POU3F3: variants seen among roughly 807,000 people sequenced by gnomAD.
POU3F3 encodes POU domain, class 3, transcription factor 3.
POU3F3 carries 1 observed loss-of-function variant against 8.6 expected under a neutral mutation model. The observed-to-expected ratio is 0.12, with a 90% confidence interval of 0.04 to 0.55. The LOEUF is 0.55. POU3F3 is among the 20% of genes least tolerant of loss of function. POU3F3 has a pLI of 0.91. For missense variants in POU3F3, 577 were observed against 690.7 expected (o/e 0.84, Z 1.84); for synonymous variants, 418 against 327.4 (o/e 1.28, Z -2.99).
chr2:104,891,164 T>C, the POU3F3 span, among the ~76,000 whole-genome samples: 1 of 152,186 alleles, frequency 6.6e-6, no homozygotes, highest in Non-Finnish European at 1.5e-5. Context: ...TCATATTCAG[T>C]AAATATTAGC....
chr2:104,876,234 G>GA, the POU3F3 span, among the ~76,000 whole-genome samples: 6 of 152,030 alleles, frequency 3.9e-5, no homozygotes, highest in East Asian at 1.9e-4. Context: ...GTAGAAGACA[G>GA]AAAAAAAATG....
Position 104,856,042 on chromosome 2 carries a change from C to A in POU3F3, c.532C>A (p.Pro178Thr). Residue 178 changes from proline to threonine, a missense_variant, in exon 1 of 1, where the codon CCC (proline) becomes ACC (threonine). This residue lies in a region of POU3F3 where 484 missense variants were observed against 422.6 expected (regional missense o/e 1.15). Transcript: ENST00000361360. ...GCCGCACCTCGGACCCCCGCCGCCG[C>A]CCCCACACCAGGGCCACCCTGGGGG... Reference protein sequence around the residue: ...GPPHLGPPPPPPHQGHPGGWG... With the variant: ...GPPHLGPPPPTPHQGHPGGWG... The A allele has an allele frequency of 1.0e-6, 1 of 990,264 alleles. No individual in the cohort carries two copies. Among genetic ancestry groups the A allele is most frequent in the Non-Finnish European group, 1.2e-6 (1 of 836,202 alleles). 61.3% of individuals were successfully genotyped at this position (990,264 alleles called of 1,614,324 possible). A position where few individuals can be genotyped will look rare whatever the true frequency, so the allele number is the denominator to read the frequency against.
chr2:104,868,237 G>C, the POU3F3 span: 3 of 456,374 alleles, frequency 6.6e-6, no homozygotes, highest in Admixed American at 2.3e-5. Context: ...GGCACCTCGC[G>C]GTCTCAGGAG....
At chr2:104,913,983 A>G in the POU3F3 span, among the ~76,000 whole-genome samples, 1 of 152,258 alleles carries the variant, frequency 6.6e-6, no homozygotes, top group Non-Finnish European at 1.5e-5. Context: ...TGGAAGATAC[A>G]GAAAAGGCAG....
At chr2:104,860,123 G>C (rs536237361), downstream of POU3F3, among the ~76,000 whole-genome samples, 1 of 152,298 alleles carries the variant, frequency 6.6e-6, no homozygotes. Flanking sequence ...CAACAAAAGA[G>C]CTAACATTAG....
At chr2:104,891,715 A>T in the POU3F3 span, among the ~76,000 whole-genome samples, 10 of 152,238 alleles carry the variant, frequency 6.6e-5, no homozygotes, top group African/African-American at 2.4e-4. Flanking sequence ...TTCTGTTCAT[A>T]GTAATTCAGT....
At chr2:104,885,228 G>A in the POU3F3 span, among the ~76,000 whole-genome samples, 1 of 152,198 alleles carries the variant, frequency 6.6e-6, no homozygotes, top group Non-Finnish European at 1.5e-5. Flanking sequence ...GAACACCACA[G>A]TTTATATGAC....
chr2:104,922,590 T>C, the POU3F3 span, among the ~76,000 whole-genome samples: 26 of 152,066 alleles, frequency 1.7e-4, no homozygotes, highest in Admixed American at 8.5e-4. Context: ...TAACTTGAAG[T>C]TAAGACGAAT....
chr2:104,881,114 A>ACTTTCTTTCTTTC, the POU3F3 span, among the ~76,000 whole-genome samples: 28 of 101,032 alleles, frequency 2.8e-4, no homozygotes, highest in South Asian at 7.7e-3. Flanking sequence ...TTCTTTCTTT[A>ACTTTCTTTCTTTC]TTTCTTACTT....
Position 104,856,793 on chromosome 2 carries a change from G to C in POU3F3, c.1283G>C (p.Cys428Ser). Residue 428 changes from cysteine to serine, a missense_variant, in exon 1 of 1, where the codon TGC becomes TCC. Coordinates refer to ENST00000361360, the MANE Select transcript of POU3F3 (RefSeq NM_006236.3). ...KGALESHFLK[C>S]PKPSAQEITN... Reference sequence around the variant, plus strand: ...GCGCTGGAGAGCCACTTCCTCAAGTGCCCCAAGCCCTCCGCGCAGGAGATC... The same window carrying C: ...GCGCTGGAGAGCCACTTCCTCAAGTCCCCCAAGCCCTCCGCGCAGGAGATC... The C allele has an allele frequency of 6.2e-7, 1 of 1,614,112 alleles. No individual in the cohort carries two copies. The highest frequency in any genetic ancestry group is 1.7e-5 in the Admixed American group (1 of 60,026).
the POU3F3 span, among the ~76,000 whole-genome samples, chr2:104,897,788 G>A: frequency 3.9e-5 from 6 of 152,166 alleles, no homozygotes; most frequent in Non-Finnish European, 7.3e-5. Context: ...TTTCAACCAA[G>A]GTTTAGATAT....
the POU3F3 span, among the ~76,000 whole-genome samples, chr2:104,901,588 C>G: frequency 6.6e-6 from 1 of 152,202 alleles, no homozygotes; most frequent in Non-Finnish European, 1.5e-5. Flanking sequence ...CATCACTGCC[C>G]TTGATGGATT....
chr2:104,927,497 C>G, the POU3F3 span, among the ~76,000 whole-genome samples: 2 of 152,008 alleles, frequency 1.3e-5, no homozygotes, highest in African/African-American at 4.8e-5. Context: ...GCTCATGCCT[C>G]TAATCCCAGC....
chr2:104,919,413 T>C, the POU3F3 span, among the ~76,000 whole-genome samples: 1 of 152,196 alleles, frequency 6.6e-6, no homozygotes, highest in East Asian at 1.9e-4. Context: ...AGCCCATTCC[T>C]GCCAGCGCCA....
At chr2:104,905,503 G>A in the POU3F3 span, among the ~76,000 whole-genome samples, 4 of 152,172 alleles carry the variant, frequency 2.6e-5, no homozygotes, top group Admixed American at 2.6e-4. Flanking sequence ...ACATTAATGT[G>A]TGTATTAGTT....
At chr2:104,894,091 C>G in the POU3F3 span, among the ~76,000 whole-genome samples, 4 of 152,162 alleles carry the variant, frequency 2.6e-5, no homozygotes, top group African/African-American at 9.7e-5. Context: ...CTAGTCAGCT[C>G]CATGGGCTTG....
rs1213851181 is a variant in POU3F3, at chr2:104,855,612, TGGCGGCGGC to T, written c.114_122del (p.Gly41_Gly43del). ...CGGCAGGGGCTGGCGGCGGCGGGGGTGGCGGCGGCGGCGGCGGCGGGGGCGGCGCAGGGG... is the reference window on the plus strand; with the variant it reads ...CGGCAGGGGCTGGCGGCGGCGGGGGTGGCGGCGGCGGGGGCGGCGCAGGGG... On this transcript the variant is annotated inframe_deletion, in exon 1 of 1. Coordinates refer to ENST00000361360, the MANE Select transcript of POU3F3 (RefSeq NM_006236.3). 12 of 643,554 alleles carry T rather than the reference TGGCGGCGGC, an allele frequency of 1.9e-5. No homozygotes were observed. The highest frequency in any genetic ancestry group is 3.3e-4 in the Admixed American group (1 of 3,026). The allele number at this position is 643,554 out of a possible 1,614,324, so 39.9% of individuals were successfully genotyped here.
chr2:104,897,989 C>T, the POU3F3 span, among the ~76,000 whole-genome samples: 1 of 152,210 alleles, frequency 6.6e-6, no homozygotes, highest in Non-Finnish European at 1.5e-5. Flanking sequence ...ATAAGAGGGA[C>T]TGAATGTTCT....
the POU3F3 span, among the ~76,000 whole-genome samples, chr2:104,920,006 C>T: frequency 6.6e-6 from 1 of 151,744 alleles, no homozygotes; most frequent in Admixed American, 6.6e-5. Context: ...TTTATTTATT[C>T]ATTTATTTAT....
Sources: allele counts gnomAD v4.1 joint callset (sites outside exome capture counted in the v4.1 genomes callset), GRCh38; gene constraint gnomAD v4.1.1; regional missense constraint gnomAD v4.1.1; transcripts MANE v1.5; gene names NCBI Gene and HGNC (gene_info 2026-07-23, HGNC 2026-07-21).